APBA2: variants seen among roughly 807,000 people sequenced by gnomAD.
APBA2 encodes the protein amyloid beta precursor protein binding family A member 2, also known as amyloid-beta A4 precursor protein-binding family A member 2.
Under a neutral mutation model 75.0 loss-of-function variants are expected in APBA2, and 30 were observed. The ratio of observed to expected loss-of-function variants is 0.40; its 90% CI spans 0.30 to 0.54. APBA2 has a LOEUF of 0.54. Among genes scored for constraint, APBA2 ranks in the 20% least tolerant of loss-of-function variants. The pLI, the probability that APBA2 is intolerant of heterozygous loss-of-function variation, is 0.49. For missense variants in APBA2, 801 were observed against 1,016.1 expected (o/e 0.79, Z 2.88); for synonymous variants, 444 against 409.6 (o/e 1.08, Z -1.01).
chr15:29,062,846 C>T (rs1196307986), intron 4 of APBA2, among the ~76,000 whole-genome samples: 3 of 152,156 alleles, frequency 2.0e-5, no homozygotes, highest in Non-Finnish European at 2.9e-5. Context: ...GCTTGGGGCC[C>T]GGGAACATTC....
At chr15:29,090,931 G>A (rs749584772) in intron 6 of APBA2, among the ~76,000 whole-genome samples, 88 of 152,000 alleles carry the variant, frequency 5.8e-4, no homozygotes, top group Non-Finnish European at 3.8e-4. Flanking sequence ...TGTCATACAC[G>A]CTCTCCAAGC....
intron 2 of APBA2, among the ~76,000 whole-genome samples, chr15:28,949,301 C>T (rs977298316): frequency 6.6e-6 from 1 of 152,114 alleles, no homozygotes; most frequent in Non-Finnish European, 1.5e-5. Flanking sequence ...GCAGAGCTTC[C>T]AGAAGACCAA....
intron 1 of APBA2, among the ~76,000 whole-genome samples, chr15:28,909,195 T>G (rs1307406972): frequency 2.6e-5 from 4 of 152,076 alleles, no homozygotes; most frequent in Middle Eastern, 3.4e-3. Flanking sequence ...TTTCACCGTG[T>G]TAGCCAGGAT....
At chr15:28,926,852 TCTCTC>T (rs902813728) in intron 2 of APBA2, among the ~76,000 whole-genome samples, 4 of 133,154 alleles carry the variant, frequency 3.0e-5, no homozygotes, top group African/African-American at 1.4e-4. Context: ...ACTCTCTCTC[TCTCTC>T]TTTTTTTTTT....
At chr15:28,930,002 A>G (rs1369533375) in intron 2 of APBA2, among the ~76,000 whole-genome samples, 1 of 152,168 alleles carries the variant, frequency 6.6e-6, no homozygotes, top group Non-Finnish European at 1.5e-5. Context: ...GCAGTTATTT[A>G]CCTAGAGGGT....
intron 3 of APBA2, among the ~76,000 whole-genome samples, chr15:29,013,273 CTTTTTTTTTTTT>C (rs560518234): frequency 1.2e-5 from 1 of 85,852 alleles, no homozygotes; most frequent in African/African-American, 5.0e-5. Context: ...ATGAGTCATT[CTTTTTTTTTTTT>C]TTTTTTTTTT....
chr15:28,889,016 G>A lies in APBA2; in HGVS notation c.-205+2738G>A, dbSNP rs188605983. Among the ~76,000 whole-genome samples, 35 of 152,236 alleles carry A rather than the reference G, an allele frequency of 2.3e-4. No individual in the cohort carries two copies. The East Asian group carries it at 6.0e-3, about 26-fold the overall frequency. On this transcript the variant is annotated intron_variant, in intron 1 of 14. Coordinates refer to ENST00000683413, the MANE Select transcript of APBA2 (RefSeq NM_001353788.2). ...AGGAGGCAGCCTGTGTGCCCAGCGG[G>A]GGCTGGGGGTGCTCTTTGTTCCCTT...
intron 2 of APBA2, among the ~76,000 whole-genome samples, chr15:28,967,104 T>C (rs1254855382): frequency 3.3e-5 from 5 of 152,248 alleles, no homozygotes; most frequent in Admixed American, 6.5e-5. Context: ...CTTTAAAGGT[T>C]GGTCTGCTAG....
chr15:29,116,897 A>G (rs1380969969), intron 14 of APBA2, among the ~76,000 whole-genome samples, 165 bp from the exon 15 acceptor site: 4 of 152,206 alleles, frequency 2.6e-5, no homozygotes, highest in African/African-American at 9.6e-5. Context: ...TCTGGAAGGC[A>G]TCATAAGTGT....
intron 3 of APBA2, among the ~76,000 whole-genome samples, chr15:29,012,919 C>T (rs949882855): frequency 2.0e-5 from 3 of 152,172 alleles, no homozygotes. Flanking sequence ...CCCCAAATGC[C>T]TTGACGAGAA....
chr15:28,894,860 T>A (rs1039434677), intron 1 of APBA2, among the ~76,000 whole-genome samples: 2 of 127,904 alleles, frequency 1.6e-5, no homozygotes, highest in Admixed American at 1.7e-4. Flanking sequence ...GAGGTGCTGG[T>A]GGAAGATGCA....
intron 2 of APBA2, among the ~76,000 whole-genome samples, chr15:28,940,935 G>A (rs561277147): frequency 6.6e-6 from 1 of 152,204 alleles, no homozygotes; most frequent in African/African-American, 2.4e-5. Context: ...AAGGACTCGT[G>A]AGCTCACCTG....
intron 2 of APBA2, chr15:28,961,563 T>C (rs1241325977): frequency 6.6e-6 from 1 of 152,154 alleles, no homozygotes; most frequent in Non-Finnish European, 1.5e-5. Context: ...CTGAGCTGGA[T>C]GTGAATGACG....
intron 6 of APBA2, among the ~76,000 whole-genome samples, chr15:29,078,997 A>C (rs1249487531): frequency 6.6e-6 from 1 of 152,174 alleles, no homozygotes; most frequent in Non-Finnish European, 1.5e-5. Context: ...GCTTATGGTG[A>C]GATGCTCTTT....
chr15:29,072,485 T>C (rs1454537879), intron 4 of APBA2, among the ~76,000 whole-genome samples: 1 of 152,138 alleles, frequency 6.6e-6, no homozygotes. Flanking sequence ...TGGTGTTCCT[T>C]GGCCATAGCA....
intron 3 of APBA2, among the ~76,000 whole-genome samples, chr15:29,031,253 A>C (rs887995472): frequency 2.0e-5 from 3 of 152,224 alleles, no homozygotes; most frequent in South Asian, 2.1e-4. Context: ...TATAAAGAGC[A>C]CTGCATTCAT....
At chr15:28,989,020 T>C (rs2038077086) in intron 2 of APBA2, among the ~76,000 whole-genome samples, 1 of 152,216 alleles carries the variant, frequency 6.6e-6, no homozygotes, top group Non-Finnish European at 1.5e-5. Flanking sequence ...GAGGTATTAA[T>C]TTGCATTTCC....
chr15:28,996,717 C>T (rs1461704608), intron 3 of APBA2, among the ~76,000 whole-genome samples: 4 of 152,206 alleles, frequency 2.6e-5, no homozygotes. Context: ...CAGGCCTGAG[C>T]TTCTGATGGA....
At chr15:29,045,935 C>T (rs1284712181) in intron 3 of APBA2, among the ~76,000 whole-genome samples, 1 of 152,166 alleles carries the variant, frequency 6.6e-6, no homozygotes. Flanking sequence ...CCGGCTCTCT[C>T]CTGCCCTCCT....
Sources: gnomAD v4.1 joint callset for allele counts (sites outside exome capture counted in the v4.1 genomes callset) on GRCh38, gnomAD v4.1.1 for gene constraint, MANE v1.5 for transcripts, NCBI Gene and HGNC (gene_info 2026-07-23, HGNC 2026-07-21) for gene names.